DEPDC1B: variants seen among roughly 807,000 people sequenced by gnomAD.
DEPDC1B encodes the protein DEP domain containing 1B, also known as DEP domain-containing protein 1B.
Under a neutral mutation model 66.5 loss-of-function variants are expected in DEPDC1B, and 51 were observed. The ratio of observed to expected loss-of-function variants is 0.77; its 90% CI spans 0.61 to 0.97. The LOEUF is 0.97. DEPDC1B is among the 50% of genes least tolerant of loss of function. The pLI, the probability that DEPDC1B is intolerant of heterozygous loss-of-function variation, is 0.00. For missense variants in DEPDC1B, 552 were observed against 637.1 expected (o/e 0.87, Z 1.44); for synonymous variants, 226 against 223.6 (o/e 1.01, Z -0.10).
intron 7 of DEPDC1B, among the ~76,000 whole-genome samples, chr5:60,606,504 G>A (rs1257669634): frequency 6.6e-6 from 1 of 150,990 alleles, no homozygotes; most frequent in Non-Finnish European, 1.5e-5. Flanking sequence ...CAGGCACAGT[G>A]GCTCACGCCT....
intron 1 of DEPDC1B, among the ~76,000 whole-genome samples, chr5:60,688,311 T>A (rs1223255732): frequency 1.3e-5 from 2 of 152,084 alleles, no homozygotes; most frequent in Admixed American, 1.3e-4. Flanking sequence ...CCTAGAAGTT[T>A]AAGTGTGCAT....
chr5:60,648,666 T>C (rs776220174), intron 2 of DEPDC1B, among the ~76,000 whole-genome samples: 2 of 152,220 alleles, frequency 1.3e-5, no homozygotes, highest in Non-Finnish European at 2.9e-5. Flanking sequence ...TCATCTTTTC[T>C]GAAAAGAATA....
intron 2 of DEPDC1B, among the ~76,000 whole-genome samples, chr5:60,655,473 T>C (rs1291069734): frequency 6.7e-6 from 1 of 149,438 alleles, no homozygotes; most frequent in Non-Finnish European, 1.5e-5. Flanking sequence ...AGTTGTAATA[T>C]TTCCCATTTT....
At chr5:60,628,514 T>A (rs578143247) in intron 7 of DEPDC1B, 1 of 152,258 alleles carries the variant, frequency 6.6e-6, no homozygotes, top group Non-Finnish European at 1.5e-5. Context: ...AAGTCACAGT[T>A]TCATTTTCAC....
intron 2 of DEPDC1B, among the ~76,000 whole-genome samples, chr5:60,679,479 G>T (rs1016292337): frequency 1.7e-4 from 26 of 151,370 alleles, no homozygotes; most frequent in African/African-American, 5.8e-4. Context: ...AAAAGGAATA[G>T]AAAGAAAGAG....
At chr5:60,659,769 C>G (rs1753665097) in intron 2 of DEPDC1B, among the ~76,000 whole-genome samples, 1 of 152,184 alleles carries the variant, frequency 6.6e-6, no homozygotes, top group Admixed American at 6.5e-5. Flanking sequence ...TCCCTGCCTT[C>G]TAGGTACTAA....
chr5:60,687,135 G>A lies in DEPDC1B; in HGVS notation c.141C>T (p.Ala47=), dbSNP rs528900919. 87 of 1,614,090 alleles carry A rather than the reference G, an allele frequency of 5.4e-5. No homozygotes were observed. Among genetic ancestry groups the A allele is most frequent in the South Asian group, 4.0e-4 (36 of 91,078 alleles). ...GCTCATGCAGCCAATCCACAGCTTC[G>A]GCCGCTGTGAAACAATGCTCATAGC... ...FKSYEHCFTA[A]EAVDWLHELL... is the part of the protein sequence containing the mutation. The change falls in exon 2 of 11, where the codon GCC becomes GCT. Residue 47 remains alanine (A), a synonymous_variant. Transcript: ENST00000265036.
chr5:60,605,915 T>C (rs940954414), intron 7 of DEPDC1B, 59 bp from the exon 8 acceptor site: 3 of 1,421,872 alleles, frequency 2.1e-6, no homozygotes, highest in South Asian at 1.5e-5. Flanking sequence ...AGATTCTATA[T>C]GGTTGTATTT....
At chr5:60,677,598 A>G (rs1254559034) in intron 2 of DEPDC1B, among the ~76,000 whole-genome samples, 2 of 151,978 alleles carry the variant, frequency 1.3e-5, no homozygotes, top group African/African-American at 4.8e-5. Context: ...GTACAGTGGC[A>G]TGATCATGGC....
At chr5:60,644,675 A>T (rs6877561) in intron 5 of DEPDC1B, 70 bp downstream of exon 5, 879,180 of 1,324,384 alleles carry the variant, frequency 0.66, 296,014 homozygotes, top group African/African-American at 0.92. Flanking sequence ...AAGGGTCAGA[A>T]AGGAGCTGAT....
chr5:60,622,254 A>G (rs923814306), intron 7 of DEPDC1B, among the ~76,000 whole-genome samples: 6 of 152,142 alleles, frequency 3.9e-5, no homozygotes, highest in African/African-American at 1.4e-4. Flanking sequence ...CCCCTAGACC[A>G]AAGCAACCTC....
At chr5:60,600,371 G>T (rs1490254323) in intron 9 of DEPDC1B, among the ~76,000 whole-genome samples, 2 of 152,116 alleles carry the variant, frequency 1.3e-5, no homozygotes, top group South Asian at 2.1e-4. Context: ...GAAATAGAAG[G>T]TTGCAGATGA....
At chr5:60,598,736 G>A (rs971473889) in intron 10 of DEPDC1B, among the ~76,000 whole-genome samples, 4 of 152,128 alleles carry the variant, frequency 2.6e-5, no homozygotes, top group African/African-American at 7.2e-5. Flanking sequence ...TTGAAAACAT[G>A]AAAAGAAATC....
intron 9 of DEPDC1B, 128 bp from the exon 10 acceptor site, chr5:60,599,388 T>A: frequency 1.8e-6 from 1 of 558,868 alleles, no homozygotes. Flanking sequence ...CAAAATTTGA[T>A]TGGGGGAAAC....
intron 3 of DEPDC1B, among the ~76,000 whole-genome samples, chr5:60,646,482 T>C (rs1379117): frequency 0.46 from 69,792 of 152,058 alleles, 17,284 homozygotes; most frequent in East Asian, 0.57. Flanking sequence ...AGTCTGAACA[T>C]ATAAAAACAG....
Position 60,681,063 on chromosome 5 carries a change from T to A in DEPDC1B, c.314+5899A>T, listed in dbSNP as rs141699366. Among the ~76,000 whole-genome samples the A allele has an allele frequency of 1.8e-4, 27 of 152,360 alleles. No individual in the cohort carries two copies. The East Asian group carries it at 5.2e-3, about 29-fold the overall frequency. ...TTGAGTTAAATAATGAATTATGTGATGAGGATGGAACAACATAGAAGCTCT... is the reference window on the plus strand; with the variant it reads ...TTGAGTTAAATAATGAATTATGTGAAGAGGATGGAACAACATAGAAGCTCT... On this transcript the variant is annotated intron_variant, in intron 2 of 10. Transcript: ENST00000265036.
intron 1 of DEPDC1B, among the ~76,000 whole-genome samples, chr5:60,693,088 T>C (rs191381198): frequency 2.6e-5 from 4 of 152,284 alleles, no homozygotes; most frequent in Non-Finnish European, 1.5e-5. Context: ...TTATGAAAAT[T>C]TGTTGAGTTG....
chr5:60,627,032 T>C (rs1752822094), intron 7 of DEPDC1B, among the ~76,000 whole-genome samples: 1 of 152,152 alleles, frequency 6.6e-6, no homozygotes, highest in Non-Finnish European at 1.5e-5. Context: ...TAATTATTTT[T>C]CAATTCATTC....
intron 2 of DEPDC1B, among the ~76,000 whole-genome samples, chr5:60,666,529 G>A (rs1400857659): frequency 6.6e-6 from 1 of 152,130 alleles, no homozygotes; most frequent in Non-Finnish European, 1.5e-5. Context: ...CAGTGATTAT[G>A]TTATTTCTCT....
Sources: gnomAD v4.1 joint callset for allele counts (sites outside exome capture counted in the v4.1 genomes callset) on GRCh38, gnomAD v4.1.1 for gene constraint, MANE v1.5 for transcripts, NCBI Gene and HGNC (gene_info 2026-07-23, HGNC 2026-07-21) for gene names.